PAF1: variants seen among roughly 807,000 people sequenced by gnomAD.
PAF1 encodes the protein PAF1 component of Paf1/RNA polymerase II complex, also known as RNA polymerase II-associated factor 1 homolog.
A neutral mutation model predicts 68.4 loss-of-function variants in PAF1; 31 were observed. The ratio of observed to expected loss-of-function variants is 0.45; its 90% confidence interval spans 0.34 to 0.61. PAF1 has a LOEUF of 0.61. PAF1 is among the 20% of genes least tolerant of loss of function. The pLI, the probability that PAF1 is intolerant of heterozygous loss-of-function variation, is 0.01. For synonymous variants in PAF1, 256 were observed against 240.5 expected (o/e 1.06, Z -0.60); for missense variants, 435 against 692.9 (o/e 0.63, Z 4.18).
chr19:39,387,043 G>A lies in PAF1; in HGVS notation c.987-244C>T, dbSNP rs550801347. The A allele has an allele frequency of 1.4e-5, 8 of 576,284 alleles. No individual in the cohort carries two copies. The South Asian group carries it at 1.6e-4, about 12-fold the overall frequency. 35.7% of individuals were successfully genotyped at this position (576,284 alleles called of 1,614,324 possible). ...ACACTGTGTGTGTGTGTTATACGGT[G>A]TATTTACATAAATACGGGCATGGGC... On this transcript the variant is annotated intron_variant, in intron 11 of 13. Transcript: ENST00000221265.
chr19:39,390,712 G>A (rs1297282634), intron 1 of PAF1, 106 bp downstream of exon 1: 1 of 1,208,196 alleles, frequency 8.3e-7, no homozygotes, highest in Non-Finnish European at 1.2e-6. Flanking sequence ...CGTCAAAGGT[G>A]AGCGCTTCAT....
rs1431949554 is a variant in PAF1, at chr19:39,390,119, A to G, written c.120T>C (p.Pro40=). The G allele has an allele frequency of 6.2e-7, 1 of 1,613,946 alleles. No homozygotes were observed. Among genetic ancestry groups the G allele is most frequent in the Non-Finnish European group, 8.5e-7 (1 of 1,179,984 alleles). ...VCRVKYCNSL[P]DIPFDPKFIT... is the part of the protein sequence containing the mutation. ...TGAACTTGGGGTCGAAGGGGATATC[A>G]GGGAGGCTATTGCAGTACTTGACTC... Residue 40 remains proline (P), a synonymous_variant, in exon 3 of 14, where the codon CCT becomes CCC. Coordinates refer to ENST00000221265, the MANE Select transcript of PAF1 (RefSeq NM_019088.4).
chr19:39,389,981 G>T lies in PAF1; in HGVS notation c.170+88C>A. 2.6e-6 allele frequency: 3 copies of T among 1,145,486 alleles called. No individual in the cohort carries two copies. 71.0% of individuals were successfully genotyped at this position (1,145,486 alleles called of 1,614,324 possible). A position where few individuals can be genotyped will look rare whatever the true frequency, so the allele number is the denominator to read the frequency against. On this transcript the variant is annotated intron_variant, in intron 3 of 13. Coordinates refer to ENST00000221265, the MANE Select transcript of PAF1 (RefSeq NM_019088.4). This position sits in a 1 kb window ranked among gnomAD's most constrained non-coding sequence, Gnocchi z 5.3. Reference sequence around the variant, plus strand: ...TGTGCTAGGGTAGGTACTGTGCTAGGCCCTGAGCAGACAGCAGCCAACGAG... The same window carrying T: ...TGTGCTAGGGTAGGTACTGTGCTAGTCCCTGAGCAGACAGCAGCCAACGAG...
chr19:39,389,982 C>T lies in PAF1; in HGVS notation c.170+87G>A, dbSNP rs1344031527. 8.6e-6 allele frequency: 10 copies of T among 1,159,588 alleles called. No homozygotes were observed. In the Admixed American group the frequency reaches 1.0e-4, roughly 12 times the overall value. The allele number at this position is 1,159,588 out of a possible 1,614,324, so 71.8% of individuals were successfully genotyped here. On this transcript the variant is annotated intron_variant, in intron 3 of 13. Transcript: ENST00000221265. The surrounding 1 kb of genome is among the most constrained non-coding windows in gnomAD (Gnocchi z 5.3). The stretch of plus-strand genomic sequence containing the variant: ...GTGCTAGGGTAGGTACTGTGCTAGG[C>T]CCTGAGCAGACAGCAGCCAACGAGA...
At chr19:39,387,445 T>C (rs938323883) in intron 11 of PAF1, among the ~76,000 whole-genome samples, 20 of 152,312 alleles carry the variant, frequency 1.3e-4, no homozygotes, top group African/African-American at 4.8e-4. Context: ...AGATAGGAAT[T>C]TCTGGCCCCA....
intron 1 of PAF1, among the ~76,000 whole-genome samples, chr19:39,390,545 T>C (rs1414684641): frequency 6.6e-6 from 1 of 152,138 alleles, no homozygotes; most frequent in African/African-American, 2.4e-5. Context: ...TCAAGTGCTT[T>C]AATAAAGAAC....
Position 39,386,010 on chromosome 19 carries a change from G to T in PAF1, c.1577C>A (p.Ala526Asp), listed in dbSNP as rs376509373. The T allele has an allele frequency of 6.2e-7, 1 of 1,613,700 alleles. No homozygotes were observed. Among genetic ancestry groups the T allele is most frequent in the African/African-American group, 1.3e-5 (1 of 75,050 alleles). ...SEAAASDSSE[A>D]DSDSD ...TGGGACTCAGTCACTGTCACTATCA[G>T]CTTCACTGGAATCAGAAGCTGCAGC... The change falls in exon 14 of 14, where the codon GCT becomes GAT. Residue 526 changes from alanine to aspartate, a missense_variant. Around this residue, in one of 7 missense-constraint regions of PAF1, gnomAD observed 83 missense variants for 99.9 expected, o/e 0.83. Transcript: ENST00000221265. The surrounding 1 kb of genome is among the most constrained non-coding windows in gnomAD (Gnocchi z 6.1).
At position 39,386,531 on chromosome 19, in the gene PAF1, C is replaced by T; in HGVS notation, c.1134G>A (p.Glu378=). The change falls in exon 13 of 14, where the codon GAG becomes GAA. Residue 378 remains glutamate, a synonymous_variant. Transcript: ENST00000221265. This position sits in a 1 kb window ranked among gnomAD's most constrained non-coding sequence, Gnocchi z 6.1. ...KAQLENHEPE[E]EEEEEMETEE... ...CTGTCTCCATCTCCTCTTCCTCTTCCTCCTCCGGTTCGTGGTTTTCTAGCT... is the reference window on the plus strand; with the variant it reads ...CTGTCTCCATCTCCTCTTCCTCTTCTTCCTCCGGTTCGTGGTTTTCTAGCT... The T allele has an allele frequency of 6.2e-7, 1 of 1,614,192 alleles. No individual in the cohort carries two copies. Among genetic ancestry groups the T allele is most frequent in the Admixed American group, 1.7e-5 (1 of 60,024 alleles).
At chr19:39,388,915 T>A in intron 8 of PAF1, 32 bp downstream of exon 8, 1 of 1,611,386 alleles carries the variant, frequency 6.2e-7, no homozygotes, top group Non-Finnish European at 8.5e-7. Flanking sequence ...ACAAATAGGC[T>A]GTCCCTTTCT....
At position 39,390,054 on chromosome 19, in the gene PAF1, A is replaced by G. The variant is rs1555727657; in HGVS notation, c.170+15T>C. 1 of 1,602,228 alleles carries G rather than the reference A, an allele frequency of 6.2e-7. No individual in the cohort carries two copies. The highest frequency in any genetic ancestry group is 1.1e-5 in the South Asian group (1 of 90,846). On this transcript the variant is annotated intron_variant, in intron 3 of 13. Coordinates refer to ENST00000221265, the MANE Select transcript of PAF1 (RefSeq NM_019088.4). ...GAACTCATACCTGAGTAGTTTTCCC[A>G]TTCCTTAGTCTCACCTGTTCTGGTC...
chr19:39,389,966 T>C lies in PAF1; in HGVS notation c.170+103A>G. ...GAGCAGCTACTACTATGTGCTAGGGTAGGTACTGTGCTAGGCCCTGAGCAG... is the reference window on the plus strand; with the variant it reads ...GAGCAGCTACTACTATGTGCTAGGGCAGGTACTGTGCTAGGCCCTGAGCAG... On this transcript the variant is annotated intron_variant, in intron 3 of 13. Coordinates refer to ENST00000221265, the MANE Select transcript of PAF1 (RefSeq NM_019088.4). This position sits in a 1 kb window ranked among gnomAD's most constrained non-coding sequence, Gnocchi z 5.3. 1 of 1,074,134 alleles carries C rather than the reference T, an allele frequency of 9.3e-7. No individual in the cohort carries two copies. Among genetic ancestry groups the C allele is most frequent in the Non-Finnish European group, 1.4e-6 (1 of 700,276 alleles). 66.5% of individuals were successfully genotyped at this position (1,074,134 alleles called of 1,614,324 possible).
At chr19:39,390,650 GCAC>G (rs1378514390) in intron 1 of PAF1, among the ~76,000 whole-genome samples, 165 bp downstream of exon 1, 1 of 152,176 alleles carries the variant, frequency 6.6e-6, no homozygotes, top group Non-Finnish European at 1.5e-5. Context: ...TCCCTGAACT[GCAC>G]GGCGGGGAGG....
In PAF1 at chr19:39,390,049, T is replaced by C. The variant is rs751387474; in HGVS notation, c.170+20A>G. 4.4e-6 allele frequency: 7 copies of C among 1,593,366 alleles called. No homozygotes were observed. The South Asian group carries it at 7.7e-5, about 18-fold the overall frequency. On this transcript the variant is annotated intron_variant, in intron 3 of 13. Coordinates refer to ENST00000221265, the MANE Select transcript of PAF1 (RefSeq NM_019088.4). ...TCAAGGAACTCATACCTGAGTAGTT[T>C]TCCCATTCCTTAGTCTCACCTGTTC...
chr19:39,390,266 G>C lies in PAF1; in HGVS notation c.71C>G (p.Pro24Arg), dbSNP rs2078348645. Residue 24 changes from proline to arginine, a missense_variant, in exon 2 of 14, where the codon CCT (proline) becomes CGT (arginine). Around this residue, in one of 7 missense-constraint regions of PAF1, gnomAD observed 38 missense variants for 33.9 expected, o/e 1.12. Coordinates refer to ENST00000221265, the MANE Select transcript of PAF1 (RefSeq NM_019088.4). ...AAAGCACAGTGGGGCTCACCTCTCA[G>C]GCAGAGTCCGGTGGGAATTGGGCCT... is the stretch of plus-strand genomic sequence containing the variant. ...GHRPNSHRTLPERSGVVCRVK... is the reference protein window; with the variant it reads ...GHRPNSHRTLRERSGVVCRVK... 5.6e-6 allele frequency: 9 copies of C among 1,613,506 alleles called. No homozygotes were observed. Among genetic ancestry groups the C allele is most frequent in the Non-Finnish European group, 6.8e-6 (8 of 1,179,736 alleles).
intron 11 of PAF1, among the ~76,000 whole-genome samples, chr19:39,387,642 A>G (rs575369690): frequency 3.3e-5 from 5 of 152,370 alleles, no homozygotes; most frequent in African/African-American, 1.2e-4. Context: ...AGGTGCTGGC[A>G]TAGCAGTAAA....
chr19:39,390,833 C>T lies in PAF1; in HGVS notation c.32G>A (p.Arg11Gln). The change falls in exon 1 of 14, where the codon CGG becomes CAG. Residue 11 changes from arginine to glutamine, a missense_variant. Arg to Gln is a conservative substitution (Grantham distance 43). Around this residue, in one of 7 missense-constraint regions of PAF1, gnomAD observed 38 missense variants for 33.9 expected, o/e 1.12. Transcript: ENST00000221265. ...TGGCGCCTACCTGTGGCCATCCTCC[C>T]GCTGGGCCTGGGTCTGGATGGTGGG... MAPTIQTQAQ[R>Q]EDGHRPNSHR... 6.3e-7 allele frequency: 1 copy of T among 1,587,092 alleles called. No individual in the cohort carries two copies. The highest frequency in any genetic ancestry group is 1.2e-5 in the South Asian group (1 of 86,926).
intron 1 of PAF1, 149 bp downstream of exon 1, chr19:39,390,669 A>C (rs2078360438): frequency 2.5e-6 from 2 of 805,898 alleles, no homozygotes; most frequent in Non-Finnish European, 4.1e-6. Flanking sequence ...GGAGGAGGGG[A>C]ACACCTGAAT....
At position 39,389,349 on chromosome 19, in the gene PAF1, G is replaced by C; in HGVS notation, c.394C>G (p.Arg132Gly). 1 of 1,614,038 alleles carries C rather than the reference G, an allele frequency of 6.2e-7. No individual in the cohort carries two copies. The highest frequency in any genetic ancestry group is 8.5e-7 in the Non-Finnish European group (1 of 1,179,982). The change falls in exon 6 of 14, where the codon CGA becomes GGA. Residue 132 changes from arginine to glycine, a missense_variant. By Grantham distance (125) the Arg-to-Gly change is moderately radical. Around this residue, in one of 7 missense-constraint regions of PAF1, gnomAD observed 5 missense variants for 35.6 expected, o/e 0.14. Transcript: ENST00000221265. The surrounding 1 kb of genome is among the most constrained non-coding windows in gnomAD (Gnocchi z 5.3). ...TCAGTGGAGATGTACTCTGTCTTTC[G>C]CATCCATGGCACCACCTTCGCGTGC... The part of the protein sequence containing the change: ...QQHAKVVPWM[R>G]KTEYISTEFN...
Position 39,388,425 on chromosome 19 carries a change from C to T in PAF1, c.900G>A (p.Lys300=), listed in dbSNP as rs1163103414. The T allele has an allele frequency of 6.2e-7, 1 of 1,614,150 alleles. No individual in the cohort carries two copies. The highest frequency in any genetic ancestry group is 2.2e-5 in the East Asian group (1 of 44,880). The change falls in exon 11 of 14, where the codon AAG becomes AAA. Residue 300 remains lysine (K), a synonymous_variant. Coordinates refer to ENST00000221265, the MANE Select transcript of PAF1 (RefSeq NM_019088.4). ...KIAREYNWNV[K]NKASKGYEEN... is the part of the protein sequence containing the mutation. ...CCTCATAGCCCTTGCTAGCTTTGTT[C>T]TTCACGTTCCAGTTGTACTCCCGAG... is the stretch of plus-strand genomic sequence containing the variant.
Sources: gnomAD v4.1 joint callset for allele counts (sites outside exome capture counted in the v4.1 genomes callset) on GRCh38, gnomAD v4.1.1 for gene constraint, gnomAD v4.1.1 regional missense constraint, Gnocchi (gnomAD v3.1) non-coding constraint, MANE v1.5 for transcripts, NCBI Gene and HGNC (gene_info 2026-07-23, HGNC 2026-07-21) for gene names.